Variants in ADAMTS13 observed in about 807,000 individuals in gnomAD.
ADAMTS13 encodes A disintegrin and metalloproteinase with thrombospondin motifs 13.
In ADAMTS13, 110 loss-of-function variants were observed where a neutral mutation model predicts 155.1. The observed-to-expected ratio is 0.71, with a 90% CI of 0.61 to 0.83. The LOEUF (loss-of-function observed/expected upper bound fraction) is 0.83. Among genes scored for constraint, ADAMTS13 ranks in the 40% least tolerant of loss-of-function variants. The pLI is 0.00. For synonymous variants in ADAMTS13, 758 were observed against 756.4 expected (o/e 1.00, Z -0.03); for missense variants, 1,707 against 1,891.7 (o/e 0.90, Z 1.81).
chr9:133,447,644 AGTG>A (rs1166853719), intron 21 of ADAMTS13, among the ~76,000 whole-genome samples: 3 of 151,532 alleles, frequency 2.0e-5, no homozygotes, highest in African/African-American at 7.3e-5. Context: ...GCTGAAGTGC[AGTG>A]GTGTGATCTT....
rs1416125270 is a variant in ADAMTS13 at position 133,425,284 on chromosome 9, C to A, written c.331-245C>A. Among the ~76,000 whole-genome samples, 1 of 152,206 alleles carries A rather than the reference C, an allele frequency of 6.6e-6. No individual in the cohort carries two copies. Among genetic ancestry groups the A allele is most frequent in the African/African-American group, 2.4e-5 (1 of 41,458 alleles). On this transcript the variant is annotated intron_variant, in intron 3 of 28. Transcript: ENST00000355699. The surrounding 1 kb of genome is among the most constrained non-coding windows in gnomAD (Gnocchi z 4.6). ...TCGTGACCATCTGTGTGCTCTCATCCCCTTGCTTTGGAGTTTGTTTTCCTT... is the reference window on the plus strand; with the variant it reads ...TCGTGACCATCTGTGTGCTCTCATCACCTTGCTTTGGAGTTTGTTTTCCTT...
intron 8 of ADAMTS13, among the ~76,000 whole-genome samples, chr9:133,431,434 C>T (rs1554787450): frequency 2.0e-5 from 3 of 149,882 alleles, no homozygotes. Context: ...TCAAGTGATT[C>T]CCGGGCCTAC....
chr9:133,438,512 C>T, intron 14 of ADAMTS13, 146 bp downstream of exon 14: 2 of 1,295,874 alleles, frequency 1.5e-6, no homozygotes, highest in Non-Finnish European at 2.1e-6. Context: ...TCAGCGTCTC[C>T]CTCTTCCACT....
chr9:133,448,460 G>T (rs1211129927), intron 21 of ADAMTS13, 139 bp from the exon 22 acceptor site: 2 of 1,080,518 alleles, frequency 1.9e-6, no homozygotes, highest in Admixed American at 3.4e-5. Context: ...AGTTGTCTGA[G>T]GTCACACAGC....
rs1287216486 is a variant in ADAMTS13, at chr9:133,425,151, C to T, written c.331-378C>T. On this transcript the variant is annotated intron_variant, in intron 3 of 28. Transcript: ENST00000355699. This position sits in a 1 kb window ranked among gnomAD's most constrained non-coding sequence, Gnocchi z 4.6. ...ACCAGCCTGGCCAACATGGTGAAAC[C>T]CCGTAGCTACTAAAAATACAAAACT... Among the ~76,000 whole-genome samples the T allele has an allele frequency of 3.9e-5, 6 of 152,318 alleles. No homozygotes were observed. Among genetic ancestry groups the T allele is most frequent in the East Asian group, 1.9e-4 (1 of 5,182 alleles).
intron 18 of ADAMTS13, 78 bp downstream of exon 18, chr9:133,442,821 A>G (rs1841776561): frequency 5.9e-6 from 9 of 1,516,100 alleles, no homozygotes; most frequent in Non-Finnish European, 7.9e-6. Context: ...TCCCTGGCCT[A>G]TGGGGCCCAT....
chr9:133,445,130 C>T lies in ADAMTS13; in HGVS notation c.2610+78C>T, dbSNP rs969610288. On this transcript the variant is annotated intron_variant, in intron 20 of 28. Coordinates refer to ENST00000355699, the MANE Select transcript of ADAMTS13 (RefSeq NM_139027.6). The surrounding 1 kb of genome is among the most constrained non-coding windows in gnomAD (Gnocchi z 5.0). ...TGGGAGAACGAGGAGCACCCATTGCCACCGTCCTCCAGGCCAGAGCAAGAA... is the reference window on the plus strand; with the variant it reads ...TGGGAGAACGAGGAGCACCCATTGCTACCGTCCTCCAGGCCAGAGCAAGAA... The T allele has an allele frequency of 5.4e-6, 8 of 1,477,378 alleles. No homozygotes were observed. The South Asian group carries it at 7.2e-5, about 13-fold the overall frequency. The allele number at this position is 1,477,378 out of a possible 1,614,324, so 91.5% of individuals were successfully genotyped here.
intron 6 of ADAMTS13, among the ~76,000 whole-genome samples, chr9:133,427,845 G>T (rs1465383373): frequency 1.3e-5 from 2 of 152,208 alleles, no homozygotes; most frequent in Non-Finnish European, 2.9e-5. Context: ...TAAGGGGCCA[G>T]ATTATGCAGA....
At chr9:133,417,572 G>A, upstream of ADAMTS13, 1 of 1,585,250 alleles carries the variant, frequency 6.3e-7, no homozygotes, top group South Asian at 1.1e-5. Context: ...GTCGCGTTCT[G>A]CGGGAATGAG....
chr9:133,439,243 C>A (rs1841481888), intron 14 of ADAMTS13, 123 bp from the exon 15 acceptor site: 3 of 792,920 alleles, frequency 3.8e-6, no homozygotes, highest in Non-Finnish European at 6.7e-6. Context: ...AGGGGACTCA[C>A]TGCTGCTGGA....
chr9:133,448,833 G>A (rs984091524), intron 22 of ADAMTS13, 105 bp downstream of exon 22: 9 of 1,505,862 alleles, frequency 6.0e-6, no homozygotes, highest in Non-Finnish European at 8.0e-6. Context: ...AGGTGCTGCT[G>A]GCTGTGCACT....
At position 133,456,280 on chromosome 9, in the gene ADAMTS13, T is replaced by C; in HGVS notation, c.3547+65T>C. The stretch of plus-strand genomic sequence containing the variant: ...GCCCTGCCAGGAGCCAGCACGACGC[T>C]GCATGCCCCATTCCTGGCAGGAGCC... On this transcript the variant is annotated intron_variant, in intron 26 of 28. Coordinates refer to ENST00000355699, the MANE Select transcript of ADAMTS13 (RefSeq NM_139027.6). This position sits in a 1 kb window ranked among gnomAD's most constrained non-coding sequence, Gnocchi z 4.4. The C allele has an allele frequency of 6.2e-7, 1 of 1,608,556 alleles. No individual in the cohort carries two copies.
Position 133,438,003 on chromosome 9 carries a change from C to G in ADAMTS13, c.1584+106C>G, listed in dbSNP as rs2028003. Reference sequence around the variant, plus strand: ...CTGGCCCTGATGGAGCTGCAGTGCCCTCTGCAGGGGAGTGGTGCTGGGGAA... The same window carrying G: ...CTGGCCCTGATGGAGCTGCAGTGCCGTCTGCAGGGGAGTGGTGCTGGGGAA... On this transcript the variant is annotated intron_variant, in intron 13 of 28. Transcript: ENST00000355699. 638,504 of 1,577,924 alleles carry G rather than the reference C, an allele frequency of 0.4. 136,714 individuals are homozygous for G. Among genetic ancestry groups the G allele is most frequent in the Non-Finnish European group, 0.44 (504,283 of 1,158,588 alleles).
In ADAMTS13 at chr9:133,456,221, T is replaced by C. The variant is rs1554795927; in HGVS notation, c.3547+6T>C. The C allele has an allele frequency of 6.2e-7, 1 of 1,613,362 alleles. No individual in the cohort carries two copies. Among genetic ancestry groups the C allele is most frequent in the East Asian group, 2.2e-5 (1 of 44,884 alleles). Reference sequence around the variant, plus strand: ...TTCTCTCAACTGCAGTGCGGGTATGTCTAGGGCCATGCAAGCGATGCTGCC... The same window carrying C: ...TTCTCTCAACTGCAGTGCGGGTATGCCTAGGGCCATGCAAGCGATGCTGCC... On this transcript the variant is annotated splice_donor_region_variant and intron_variant, in intron 26 of 28. Transcript: ENST00000355699. This position sits in a 1 kb window ranked among gnomAD's most constrained non-coding sequence, Gnocchi z 4.4.
chr9:133,450,680 C>T (rs1554794109), intron 23 of ADAMTS13, among the ~76,000 whole-genome samples: 2 of 151,978 alleles, frequency 1.3e-5, no homozygotes, highest in African/African-American at 2.4e-5. Context: ...ACCCGGGAGG[C>T]GGAGGTTGCA....
In ADAMTS13 at chr9:133,459,247, C is replaced by A. The variant is rs1238022528; in HGVS notation, c.*67C>A. On this transcript the variant is annotated 3_prime_UTR_variant, in exon 29 of 29. Transcript: ENST00000355699. ...GGTTGACCCCTGGTCTCAGTGCTTT[C>A]CAATTCGAACTTTTTCCAATCTTAG... The A allele has an allele frequency of 1.4e-6, 2 of 1,451,912 alleles. No homozygotes were observed. The highest frequency in any genetic ancestry group is 1.4e-5 in the African/African-American group (1 of 71,276). The allele number at this position is 1,451,912 out of a possible 1,614,324, so 89.9% of individuals were successfully genotyped here.
upstream of ADAMTS13, among the ~76,000 whole-genome samples, chr9:133,420,661 A>G (rs1006084157): frequency 3.3e-5 from 5 of 152,214 alleles, no homozygotes; most frequent in African/African-American, 1.2e-4. Flanking sequence ...CCCAGAGTTA[A>G]GTGAGAGTGG....
Position 133,458,007 on chromosome 9 carries a change from T to C in ADAMTS13, c.3822T>C (p.Asn1274=), listed in dbSNP as rs782477635. ...CAGGGGGCTGCCGGCTCTTCATTAATGTGGCTCCGCACGCACGGATTGCCA... is the reference window on the plus strand; with the variant it reads ...CAGGGGGCTGCCGGCTCTTCATTAACGTGGCTCCGCACGCACGGATTGCCA... The part of the protein sequence containing the change: ...SNAGGCRLFI[N]VAPHARIAIH... Residue 1274 remains asparagine, a synonymous_variant, in exon 28 of 29, where the codon AAT becomes AAC. Coordinates refer to ENST00000355699, the MANE Select transcript of ADAMTS13 (RefSeq NM_139027.6). 6.2e-6 allele frequency: 10 copies of C among 1,613,470 alleles called. No individual in the cohort carries two copies. The East Asian group carries it at 1.1e-4, about 18-fold the overall frequency.
intron 27 of ADAMTS13, chr9:133,457,129 C>T: frequency 3.3e-6 from 1 of 305,310 alleles, no homozygotes; most frequent in South Asian, 2.8e-5. Context: ...CATGTGCACC[C>T]ACAAGCACAC....
Sources: gnomAD v4.1 joint callset for allele counts (sites outside exome capture counted in the v4.1 genomes callset) on GRCh38, gnomAD v4.1.1 for gene constraint, Gnocchi (gnomAD v3.1) non-coding constraint, MANE v1.5 for transcripts, NCBI Gene and HGNC (gene_info 2026-07-23, HGNC 2026-07-21) for gene names.